The following RNASEH2A variants were observed in gnomAD, a reference collection of about 807,000 sequenced individuals.
The protein encoded by RNASEH2A is ribonuclease H2 subunit A.
A neutral mutation model predicts 32.7 loss-of-function variants in RNASEH2A; 30 were observed. That is an observed-to-expected ratio of 0.92 (90% CI 0.69 to 1.25). The LOEUF is 1.25. Among genes scored for constraint, RNASEH2A ranks in the 50% most tolerant of loss-of-function variants. RNASEH2A has a pLI of 0.00. For missense variants in RNASEH2A, 409 were observed against 398.1 expected, an observed-to-expected ratio of 1.03 and a Z score of -0.23; for synonymous variants, 147 against 165.4, an observed-to-expected ratio of 0.89 and a Z score of 0.86.
rs899448243 is a variant in RNASEH2A at position 12,807,032 on chromosome 19, A to G, written c.152A>G (p.Tyr51Cys). The change falls in exon 2 of 8, where the codon TAT becomes TGT. Residue 51 changes from tyrosine (Y) to cysteine (C), a missense_variant. By Grantham distance (194) the Tyr-to-Cys change is radical. Transcript: ENST00000221486. ...GGCCCCATGGTCTACGCCATCTGTT[A>G]TTGTCCCCTGCCTCGCCTGGCAGAT... The part of the protein sequence containing the change: ...VLGPMVYAIC[Y>C]CPLPRLADLE... The G allele has an allele frequency of 1.9e-6, 3 of 1,613,886 alleles. No homozygotes were observed. Among genetic ancestry groups the G allele is most frequent in the African/African-American group, 2.7e-5 (2 of 74,882 alleles).
At chr19:12,810,490 A>ATTT in intron 6 of RNASEH2A, 86 bp downstream of exon 6, 1 of 1,150,928 alleles carries the variant, frequency 8.7e-7, no homozygotes. Context: ...CCTTTCTGTC[A>ATTT]TTTATCATTT....
At chr19:12,807,543 C>T in intron 4 of RNASEH2A, 37 bp downstream of exon 4, 1 of 1,551,166 alleles carries the variant, frequency 6.4e-7, no homozygotes, top group Non-Finnish European at 8.9e-7. Context: ...TTGGTCATCT[C>T]AGGATAAAAT....
intron 6 of RNASEH2A, among the ~76,000 whole-genome samples, chr19:12,812,859 G>T (rs975610493): frequency 2.0e-5 from 3 of 151,998 alleles, no homozygotes; most frequent in Admixed American, 6.6e-5. Context: ...ACAAAATTTA[G>T]CTGGGCATGG....
chr19:12,811,632 T>C (rs983570890), intron 6 of RNASEH2A, among the ~76,000 whole-genome samples: 3 of 142,184 alleles, frequency 2.1e-5, no homozygotes, highest in African/African-American at 7.9e-5. Flanking sequence ...AAAAAAATAA[T>C]GTTAGCCAGG....
At chr19:12,809,995 G>A (rs1969049641) in intron 4 of RNASEH2A, 76 bp from the exon 5 acceptor site, 10 of 1,587,222 alleles carry the variant, frequency 6.3e-6, no homozygotes, top group Non-Finnish European at 7.8e-6. Flanking sequence ...GTAGCAGGAA[G>A]AACGTGCCAG....
intron 4 of RNASEH2A, among the ~76,000 whole-genome samples, chr19:12,809,287 A>G (rs1368857663): frequency 1.3e-5 from 2 of 152,230 alleles, no homozygotes; most frequent in Non-Finnish European, 2.9e-5. Context: ...TTCTGAAAAC[A>G]GTAGTGCTGT....
chr19:12,809,586 C>A (rs1353206352), intron 4 of RNASEH2A, among the ~76,000 whole-genome samples: 1 of 152,212 alleles, frequency 6.6e-6, no homozygotes, highest in Admixed American at 6.5e-5. Flanking sequence ...GCGATCCTCC[C>A]ACTTCGGCTT....
rs755642568 is a variant in RNASEH2A at position 12,807,315 on chromosome 19, C to T, written c.309C>T (p.Thr103=). 33 of 1,614,204 alleles carry T rather than the reference C, an allele frequency of 2.0e-5. No individual in the cohort carries two copies. The highest frequency in any genetic ancestry group is 2.7e-5 in the Non-Finnish European group (32 of 1,180,046). ...TGCTGTCTCCAAACCTCATCTCTAC[C>T]AGCATGCTTGGGCGGTGAGGGGTCC... is the stretch of plus-strand genomic sequence containing the variant. ...LDVLSPNLIS[T]SMLGRVKYNL... Residue 103 remains threonine (T), a synonymous_variant, in exon 3 of 8, where the codon ACC becomes ACT. Transcript: ENST00000221486.
intron 1 of RNASEH2A, 62 bp downstream of exon 1, chr19:12,806,862 G>C: frequency 6.3e-7 from 1 of 1,594,906 alleles, no homozygotes; most frequent in Admixed American, 1.8e-5. Flanking sequence ...AACGGGAGTC[G>C]GGATTGCACT....
rs1423742581 is a variant in RNASEH2A at position 12,810,399 on chromosome 19, C to A, written c.632C>A (p.Pro211His). ...GATACTGATTATGGCTCAGGCTACCCCAATGGTGAGCAGACACGTGACCAT... is the reference window on the plus strand; with the variant it reads ...GATACTGATTATGGCTCAGGCTACCACAATGGTGAGCAGACACGTGACCAT... ...DLDTDYGSGY[P>H]NDPKTKAWLK... The change falls in exon 6 of 8, where the codon CCC becomes CAC. Residue 211 changes from proline (P) to histidine (H), a missense_variant. Coordinates refer to ENST00000221486, the MANE Select transcript of RNASEH2A (RefSeq NM_006397.3). The A allele has an allele frequency of 6.2e-7, 1 of 1,613,650 alleles. No individual in the cohort carries two copies. Among genetic ancestry groups the A allele is most frequent in the African/African-American group, 1.3e-5 (1 of 74,892 alleles).
chr19:12,811,437 C>T (rs1357722941), intron 6 of RNASEH2A, among the ~76,000 whole-genome samples: 1 of 151,744 alleles, frequency 6.6e-6, no homozygotes, highest in Non-Finnish European at 1.5e-5. Flanking sequence ...TAGCGAGACC[C>T]CCATCTCTAT....
intron 6 of RNASEH2A, 60 bp downstream of exon 6, chr19:12,810,464 G>C (rs145370134): frequency 7.3e-7 from 1 of 1,378,796 alleles, no homozygotes; most frequent in East Asian, 2.3e-5. Context: ...GCACACTTCT[G>C]AGGTTTTCTT....
chr19:12,807,977 G>T (rs1483939418), intron 4 of RNASEH2A: 5 of 232,068 alleles, frequency 2.2e-5, no homozygotes, highest in South Asian at 2.2e-4. Flanking sequence ...GAGACCAGGC[G>T]CAGTGGCTCA....
At chr19:12,807,150 G>A in intron 2 of RNASEH2A, 56 bp from the exon 3 acceptor site, 1 of 1,614,184 alleles carries the variant, frequency 6.2e-7, no homozygotes, top group Admixed American at 1.7e-5. Flanking sequence ...ACTGAAAGGG[G>A]AGGGCAGGAA....
intron 6 of RNASEH2A, among the ~76,000 whole-genome samples, chr19:12,810,850 A>G (rs1462595887): frequency 2.0e-5 from 3 of 151,670 alleles, no homozygotes; most frequent in Non-Finnish European, 4.4e-5. Context: ...TTTTATAGAG[A>G]TGGGGTCTTG....
intron 4 of RNASEH2A, among the ~76,000 whole-genome samples, chr19:12,809,764 C>CTGT (rs1568387573): frequency 6.6e-6 from 1 of 152,008 alleles, no homozygotes; most frequent in African/African-American, 2.4e-5. Flanking sequence ...TGAGTTTTTT[C>CTGT]TTTATTTTAT....
At chr19:12,806,919 A>G (rs1383439411) in intron 1 of RNASEH2A, 89 bp from the exon 2 acceptor site, 3 of 1,601,674 alleles carry the variant, frequency 1.9e-6, no homozygotes, top group Non-Finnish European at 1.7e-6. Flanking sequence ...CTAAAGAAGC[A>G]GTGATGATAG....
chr19:12,810,439 A>T (rs774641162), intron 6 of RNASEH2A, 35 bp downstream of exon 6: 1 of 1,540,524 alleles, frequency 6.5e-7, no homozygotes, highest in Non-Finnish European at 9.0e-7. Flanking sequence ...CTAATGTTGA[A>T]ATGGCCAGGG....
intron 4 of RNASEH2A, 47 bp downstream of exon 4, chr19:12,807,553 T>TG: frequency 6.7e-7 from 1 of 1,501,236 alleles, no homozygotes; most frequent in Non-Finnish European, 9.3e-7. Flanking sequence ...CAGGATAAAA[T>TG]GGGGACAAAA....
Sources: gnomAD v4.1 joint callset for allele counts (sites outside exome capture counted in the v4.1 genomes callset) on GRCh38, gnomAD v4.1.1 for gene constraint, MANE v1.5 for transcripts, NCBI Gene and HGNC (gene_info 2026-07-23, HGNC 2026-07-21) for gene names.